Variants in CRB1 observed in about 807,000 individuals in gnomAD.
The protein encoded by CRB1 is protein crumbs homolog 1.
Under a neutral mutation model 120.0 loss-of-function variants are expected in CRB1, and 83 were observed. The ratio of observed to expected loss-of-function variants is 0.69; its 90% CI spans 0.58 to 0.83. CRB1 has a LOEUF of 0.83. Among genes scored for constraint, CRB1 ranks in the 40% least tolerant of loss-of-function variants. The pLI is 0.00. For synonymous variants in CRB1, 625 were observed against 612.5 expected, an observed-to-expected ratio of 1.02 and a Z score of -0.30; for missense variants, 1,699 against 1,687.6, an observed-to-expected ratio of 1.01 and a Z score of -0.12.
chr1:197,305,144 G>T (rs912828483), intron 1 of CRB1, among the ~76,000 whole-genome samples: 1 of 152,092 alleles, frequency 6.6e-6, no homozygotes, highest in African/African-American at 2.4e-5. Context: ...TTTGCTGTGT[G>T]CTCTAATGTT....
chr1:197,305,586 A>G (rs763054719), intron 1 of CRB1, among the ~76,000 whole-genome samples: 5 of 151,876 alleles, frequency 3.3e-5, no homozygotes, highest in Non-Finnish European at 7.4e-5. Context: ...GACTGCTAAT[A>G]ATCTGTGATT....
chr1:197,359,595 T>G (rs1660670652), intron 5 of CRB1, among the ~76,000 whole-genome samples: 1 of 152,166 alleles, frequency 6.6e-6, no homozygotes, highest in Non-Finnish European at 1.5e-5. Flanking sequence ...AAATATTCAC[T>G]TCTCTAAGGT....
chr1:197,373,683 G>A (rs1661495188), intron 5 of CRB1, among the ~76,000 whole-genome samples: 1 of 152,154 alleles, frequency 6.6e-6, no homozygotes, highest in African/African-American at 2.4e-5. Flanking sequence ...ATACAGAAAG[G>A]AGGGAGAGTC....
chr1:197,453,898 AT>A (rs1666135345), intron 11 of CRB1, among the ~76,000 whole-genome samples: 4 of 117,232 alleles, frequency 3.4e-5, no homozygotes, highest in African/African-American at 1.2e-4. Flanking sequence ...TAATATTATT[AT>A]ATTATTAATA....
At chr1:197,399,270 G>A (rs975084588) in intron 5 of CRB1, among the ~76,000 whole-genome samples, 2 of 152,104 alleles carry the variant, frequency 1.3e-5, no homozygotes. Flanking sequence ...TAATGCAACT[G>A]TTGATTAGTT....
chr1:197,337,471 A>G (rs1176837030), intron 2 of CRB1, among the ~76,000 whole-genome samples: 3 of 152,196 alleles, frequency 2.0e-5, no homozygotes, highest in African/African-American at 4.8e-5. Flanking sequence ...CCATTTCCTC[A>G]TTCAAAGATT....
the CRB1 span, among the ~76,000 whole-genome samples, chr1:197,228,969 G>A: frequency 2.6e-5 from 4 of 152,140 alleles, no homozygotes; most frequent in African/African-American, 9.7e-5. Context: ...CATGAGAACA[G>A]TATGAGGGAA....
chr1:197,339,162 T>G (rs1389908305), intron 2 of CRB1, among the ~76,000 whole-genome samples: 1 of 152,222 alleles, frequency 6.6e-6, no homozygotes, highest in African/African-American at 2.4e-5. Flanking sequence ...CCACTGAAAA[T>G]AATAATTATC....
intron 11 of CRB1, 28 bp downstream of exon 11, chr1:197,442,320 C>G: frequency 6.2e-7 from 1 of 1,614,086 alleles, no homozygotes; most frequent in Non-Finnish European, 8.5e-7. Context: ...TTATGTCTCT[C>G]TCTTATTCTG....
chr1:197,334,993 AC>A (rs1014548795), intron 2 of CRB1, among the ~76,000 whole-genome samples: 4 of 152,230 alleles, frequency 2.6e-5, no homozygotes, highest in African/African-American at 9.6e-5. Context: ...TTAGGGATTA[AC>A]TTTAGGTAGA....
chr1:197,314,769 G>A (rs1396379234), intron 1 of CRB1, among the ~76,000 whole-genome samples: 1 of 152,132 alleles, frequency 6.6e-6, no homozygotes, highest in Admixed American at 6.5e-5. Context: ...CTCAATGCTT[G>A]AGATGTTTAG....
chr1:197,417,059 G>A (rs990250695), intron 5 of CRB1, among the ~76,000 whole-genome samples: 3 of 152,194 alleles, frequency 2.0e-5, no homozygotes, highest in Admixed American at 2.0e-4. Flanking sequence ...GAGGCAATTT[G>A]AAGGAGTGGG....
rs1658324463 is a variant in CRB1 at position 197,323,563 on chromosome 1, G to A, written c.71-4859G>A. Among the ~76,000 whole-genome samples the A allele has an allele frequency of 2.0e-5, 3 of 152,160 alleles. No homozygotes were observed. In the South Asian group the frequency reaches 6.2e-4, roughly 32 times the overall value. ...ATATACATTGATTATAATAAGGTCAGTGATTTCAGGCCTGATTAGCTTTAA... is the reference window on the plus strand; with the variant it reads ...ATATACATTGATTATAATAAGGTCAATGATTTCAGGCCTGATTAGCTTTAA... On this transcript the variant is annotated intron_variant, in intron 1 of 11. Coordinates refer to ENST00000367400, the MANE Select transcript of CRB1 (RefSeq NM_201253.3).
intron 5 of CRB1, among the ~76,000 whole-genome samples, chr1:197,372,795 G>T (rs895622457): frequency 6.6e-6 from 1 of 152,114 alleles, no homozygotes; most frequent in Non-Finnish European, 1.5e-5. Flanking sequence ...GGAGGAGGCA[G>T]TTCAGGAGCT....
the CRB1 span, among the ~76,000 whole-genome samples, chr1:197,240,748 T>G: frequency 6.6e-6 from 1 of 152,220 alleles, no homozygotes; most frequent in Non-Finnish European, 1.5e-5. Context: ...GATTGCTGGG[T>G]CAAATGGTAT....
chr1:197,351,872 A>G (rs765654927), intron 4 of CRB1, among the ~76,000 whole-genome samples: 53 of 152,202 alleles, frequency 3.5e-4, no homozygotes, highest in Admixed American at 1.2e-3. Context: ...CATCCTGAAT[A>G]CCCTTGTAAC....
chr1:197,409,603 A>G (rs1426812186), intron 5 of CRB1, among the ~76,000 whole-genome samples: 1 of 152,136 alleles, frequency 6.6e-6, no homozygotes, highest in African/African-American at 2.4e-5. Flanking sequence ...GTTGTAGAGA[A>G]CAAATGACTT....
intron 1 of CRB1, among the ~76,000 whole-genome samples, chr1:197,299,802 C>G (rs1246371429): frequency 6.7e-6 from 1 of 150,228 alleles, no homozygotes; most frequent in Non-Finnish European, 1.5e-5. Flanking sequence ...TATTGTACTT[C>G]ACAGTAATGT....
chr1:197,403,626 G>GT (rs897261985), intron 5 of CRB1, among the ~76,000 whole-genome samples: 171 of 148,690 alleles, frequency 1.2e-3, no homozygotes, highest in African/African-American at 3.1e-3. Context: ...CCCTGCTGAT[G>GT]TTTTTTTTTT....
Sources: allele counts gnomAD v4.1 joint callset (sites outside exome capture counted in the v4.1 genomes callset), GRCh38; gene constraint gnomAD v4.1.1; transcripts MANE v1.5; gene names NCBI Gene and HGNC (gene_info 2026-07-23, HGNC 2026-07-21).